The following GPD2 variants were observed in gnomAD, a reference collection of about 807,000 sequenced individuals.
The protein encoded by GPD2 is glycerol-3-phosphate dehydrogenase, mitochondrial.
Under a neutral mutation model 82.4 loss-of-function variants are expected in GPD2, and 54 were observed. That is an observed-to-expected ratio of 0.66 (90% CI 0.53 to 0.82). GPD2 has a LOEUF of 0.82. Ranked by LOEUF, GPD2 falls within the 40% of genes least tolerant of loss-of-function variation. The pLI is 0.00. For missense variants in GPD2, 748 were observed against 896.2 expected, an observed-to-expected ratio of 0.83 and a Z score of 2.11; for synonymous variants, 288 against 306.1, an observed-to-expected ratio of 0.94 and a Z score of 0.62.
the GPD2 span, among the ~76,000 whole-genome samples, chr2:156,424,903 A>C: frequency 6.6e-6 from 1 of 152,214 alleles, no homozygotes; most frequent in Admixed American, 6.5e-5. Flanking sequence ...AATTAGAAAG[A>C]AAAATATCTA....
the GPD2 span, among the ~76,000 whole-genome samples, chr2:156,430,022 G>A: frequency 7.9e-5 from 12 of 152,104 alleles, no homozygotes; most frequent in African/African-American, 2.9e-4. Context: ...GTTAACAATG[G>A]ATACGATTAT....
At chr2:156,515,060 T>C (rs1451931574) in intron 6 of GPD2, among the ~76,000 whole-genome samples, 2 of 152,178 alleles carry the variant, frequency 1.3e-5, no homozygotes, top group Non-Finnish European at 2.9e-5. Context: ...TACTTTGTGA[T>C]CTATTAGGCA....
intron 2 of GPD2, among the ~76,000 whole-genome samples, chr2:156,490,401 A>AT (rs397986386): frequency 6.6e-6 from 1 of 151,726 alleles, no homozygotes; most frequent in East Asian, 1.9e-4. Context: ...AAAAAAAAAA[A>AT]CAAAAATAAA....
intron 8 of GPD2, 140 bp downstream of exon 8, chr2:156,550,886 C>T: frequency 2.6e-6 from 2 of 781,984 alleles, no homozygotes; most frequent in Admixed American, 4.1e-5. Flanking sequence ...AGGAACTCTT[C>T]CAAAACACAA....
intron 2 of GPD2, among the ~76,000 whole-genome samples, chr2:156,484,404 CG>C (rs1210206867): frequency 6.6e-6 from 1 of 152,030 alleles, no homozygotes; most frequent in Non-Finnish European, 1.5e-5. Flanking sequence ...CCCAAAGAGC[CG>C]GGATTACAGG....
chr2:156,513,104 T>C (rs546012450), intron 5 of GPD2, among the ~76,000 whole-genome samples: 15 of 152,296 alleles, frequency 9.8e-5, no homozygotes, highest in East Asian at 3.9e-4. Flanking sequence ...TTCAGCCAGT[T>C]TGAGAACAGC....
chr2:156,448,701 T>C lies in GPD2; in HGVS notation c.-9+12188T>C, dbSNP rs781549755. Reference sequence around the variant, plus strand: ...GAGGCAGCTGGCCCCAAAACACTAATAGTAATCCTGATTTGACAGACATCA... The same window carrying C: ...GAGGCAGCTGGCCCCAAAACACTAACAGTAATCCTGATTTGACAGACATCA... On this transcript the variant is annotated intron_variant, in intron 1 of 16. Transcript: ENST00000438166. 2.6e-5 allele frequency among the ~76,000 whole-genome samples: 4 copies of C among 152,184 alleles called. No homozygotes were observed. The South Asian group carries it at 6.2e-4, about 24-fold the overall frequency.
chr2:156,416,246 T>C, the GPD2 span, among the ~76,000 whole-genome samples: 1 of 151,888 alleles, frequency 6.6e-6, no homozygotes. Context: ...GATTTTGCAA[T>C]TGCAGACAGC....
chr2:156,439,724 G>A (rs980836787), intron 1 of GPD2, among the ~76,000 whole-genome samples: 1 of 151,564 alleles, frequency 6.6e-6, no homozygotes, highest in African/African-American at 2.4e-5. Context: ...GTGGGCACCT[G>A]TAATCCCAGC....
upstream of GPD2, chr2:156,435,460 G>C (rs1469268116): frequency 1.3e-5 from 2 of 151,772 alleles, no homozygotes; most frequent in Non-Finnish European, 2.9e-5. Flanking sequence ...TTTGGGTGGC[G>C]GGGGGTTGCA....
chr2:156,492,308 C>T (rs186085545), intron 2 of GPD2, among the ~76,000 whole-genome samples: 133 of 151,422 alleles, frequency 8.8e-4, no homozygotes, highest in African/African-American at 2.9e-3. Context: ...CGTGTGCCAC[C>T]ATGCCCGGCT....
chr2:156,507,497 A>AT (rs1684830734), intron 3 of GPD2, among the ~76,000 whole-genome samples: 1 of 151,346 alleles, frequency 6.6e-6, no homozygotes, highest in African/African-American at 2.4e-5. Context: ...TAATTTTTGT[A>AT]TTTTTTGGTT....
chr2:156,423,041 T>C, the GPD2 span, among the ~76,000 whole-genome samples: 17 of 152,206 alleles, frequency 1.1e-4, no homozygotes, highest in African/African-American at 4.1e-4. Context: ...TTTTATCTTG[T>C]AATTTATCTT....
At position 156,513,371 on chromosome 2, in the gene GPD2, T is replaced by C. The variant is rs1182911318; in HGVS notation, c.536T>C (p.Leu179Pro). 1 of 1,611,906 alleles carries C rather than the reference T, an allele frequency of 6.2e-7. No homozygotes were observed. The highest frequency in any genetic ancestry group is 1.3e-5 in the African/African-American group (1 of 74,866). Residue 179 changes from leucine (L) to proline (P), a missense_variant, in exon 6 of 17, where the codon CTG becomes CCG. By Grantham distance (98) the Leu-to-Pro change is moderately conservative (BLOSUM62 -3). Coordinates refer to ENST00000438166, the MANE Select transcript of GPD2 (RefSeq NM_000408.5). ...CCTTACTACTGGGTAGGAATCAAGC[T>C]GTATGATTTGGTTGCAGGAAGCAAT... ...QLPYYWVGIK[L>P]YDLVAGSNCL...
intron 8 of GPD2, among the ~76,000 whole-genome samples, chr2:156,556,674 A>C (rs1199402260): frequency 6.6e-6 from 1 of 152,216 alleles, no homozygotes; most frequent in East Asian, 1.9e-4. Context: ...TTTATGTAAA[A>C]GATTTTCATT....
the GPD2 span, among the ~76,000 whole-genome samples, chr2:156,417,684 A>T: frequency 6.6e-6 from 1 of 152,026 alleles, no homozygotes; most frequent in African/African-American, 2.4e-5. Flanking sequence ...TAATTCATGG[A>T]AACTTTTTCC....
At chr2:156,481,793 T>G (rs1425284101) in intron 2 of GPD2, among the ~76,000 whole-genome samples, 1 of 152,206 alleles carries the variant, frequency 6.6e-6, no homozygotes, top group Non-Finnish European at 1.5e-5. Flanking sequence ...TTCATTCTTT[T>G]TAATAACTGA....
intron 2 of GPD2, chr2:156,495,548 C>A (rs1326944504): frequency 2.3e-6 from 1 of 437,280 alleles, no homozygotes. Context: ...AACTTATGTA[C>A]CCCCAAACTC....
At chr2:156,419,319 A>G in the GPD2 span, among the ~76,000 whole-genome samples, 1 of 152,128 alleles carries the variant, frequency 6.6e-6, no homozygotes, top group South Asian at 2.1e-4. Context: ...TGGGCCTCCC[A>G]AAGTGCTGGG....
Sources: gnomAD v4.1 joint callset for allele counts (sites outside exome capture counted in the v4.1 genomes callset) on GRCh38, gnomAD v4.1.1 for gene constraint, MANE v1.5 for transcripts, NCBI Gene and HGNC (gene_info 2026-07-23, HGNC 2026-07-21) for gene names.